Variants in ST8SIA4 observed in about 807,000 individuals in gnomAD.
ST8SIA4 encodes the protein ST8 alpha-N-acetyl-neuraminide alpha-2,8-sialyltransferase 4.
A neutral mutation model predicts 33.9 loss-of-function variants in ST8SIA4; 15 were observed. The ratio of observed to expected loss-of-function variants is 0.44; its 90% CI spans 0.30 to 0.68. The LOEUF (loss-of-function observed/expected upper bound fraction) is 0.68. Ranked by LOEUF, ST8SIA4 falls within the 30% of genes least tolerant of loss-of-function variation. The pLI is 0.10. For synonymous variants in ST8SIA4, 171 were observed against 151.2 expected (o/e 1.13, Z -0.96); for missense variants, 321 against 428.0 (o/e 0.75, Z 2.21).
At chr5:100,813,218 GA>G (rs1750849178) in intron 4 of ST8SIA4, among the ~76,000 whole-genome samples, 1 of 151,808 alleles carries the variant, frequency 6.6e-6, no homozygotes, top group Non-Finnish European at 1.5e-5. Context: ...TACTGAGTAT[GA>G]AAAAAACTTA....
rs1750792887 is a variant in ST8SIA4 at position 100,810,508 on chromosome 5, T to C, written c.*1339A>G. 6 of 152,200 alleles carry C rather than the reference T, an allele frequency of 3.9e-5. No homozygotes were observed. Among genetic ancestry groups the C allele is most frequent in the Admixed American group, 3.9e-4 (6 of 15,276 alleles). 9.4% of individuals were successfully genotyped at this position (152,200 alleles called of 1,614,324 possible). ...ATTTCAGCTATATCAATCTAATATT[T>C]ATTCTAAAGGGCAAAATGCTTCCAC... On this transcript the variant is annotated 3_prime_UTR_variant, in exon 5 of 5. Transcript: ENST00000231461.
intron 4 of ST8SIA4, among the ~76,000 whole-genome samples, chr5:100,833,008 A>G (rs766076466): frequency 6.6e-5 from 10 of 152,200 alleles, no homozygotes; most frequent in Admixed American, 2.6e-4. Flanking sequence ...CATTCATTCT[A>G]TCTTTAGTCA....
At position 100,903,266 on chromosome 5, in the gene ST8SIA4, C is replaced by A; in HGVS notation, c.-311G>T. On this transcript the variant is annotated 5_prime_UTR_variant, in exon 1 of 5. Transcript: ENST00000231461. ...TTGGAGGTGGCGGCAGCTTCTGCAG[C>A]TGGGTTCGGGGGCGTCACTGGCCCT... 5.6e-6 allele frequency: 2 copies of A among 358,652 alleles called. No homozygotes were observed. The highest frequency in any genetic ancestry group is 3.0e-5 in the South Asian group (1 of 33,276). The allele number at this position is 358,652 out of a possible 1,614,324, so 22.2% of individuals were successfully genotyped here. A position where few individuals can be genotyped will look rare whatever the true frequency, so the allele number is the denominator to read the frequency against.
At chr5:100,871,111 T>G (rs1055627671) in intron 3 of ST8SIA4, among the ~76,000 whole-genome samples, 1 of 151,988 alleles carries the variant, frequency 6.6e-6, no homozygotes, top group African/African-American at 2.4e-5. Flanking sequence ...TCTGTGAGAG[T>G]AGAAGGATAA....
At chr5:100,878,519 G>A (rs1001871427) in intron 3 of ST8SIA4, among the ~76,000 whole-genome samples, 7 of 151,976 alleles carry the variant, frequency 4.6e-5, no homozygotes, top group African/African-American at 1.4e-4. Context: ...TCATTTTTTT[G>A]TTTGTAATGA....
At chr5:100,889,532 A>G (rs1395916250) in intron 2 of ST8SIA4, among the ~76,000 whole-genome samples, 1 of 151,962 alleles carries the variant, frequency 6.6e-6, no homozygotes, top group African/African-American at 2.4e-5. Flanking sequence ...AAAAAAGTTA[A>G]CACATGCTAG....
rs559558385 is a variant in ST8SIA4, at chr5:100,856,607, A to C, written c.504-211T>G. ...CAATAAAAATATACAGTCCCAGTAC[A>C]GGGCTCAAAATGCCTCTTGTATGAA... On this transcript the variant is annotated intron_variant, in intron 3 of 4. Transcript: ENST00000231461. Among the ~76,000 whole-genome samples the C allele has an allele frequency of 2.6e-5, 4 of 152,332 alleles. No individual in the cohort carries two copies. The South Asian group carries it at 8.3e-4, about 32-fold the overall frequency.
intron 4 of ST8SIA4, among the ~76,000 whole-genome samples, chr5:100,829,992 A>G (rs1751219038): frequency 6.6e-6 from 1 of 152,190 alleles, no homozygotes; most frequent in East Asian, 1.9e-4. Context: ...CCAAAGCATA[A>G]TTAAACAACA....
intron 3 of ST8SIA4, among the ~76,000 whole-genome samples, chr5:100,857,349 C>G (rs1751838441): frequency 1.3e-5 from 2 of 151,480 alleles, no homozygotes; most frequent in Admixed American, 1.3e-4. Flanking sequence ...GTCACATAGA[C>G]CTTTTTATAC....
chr5:100,846,046 T>C (rs1167112514), intron 4 of ST8SIA4, among the ~76,000 whole-genome samples: 2 of 152,024 alleles, frequency 1.3e-5, no homozygotes, highest in Admixed American at 1.3e-4. Flanking sequence ...ATTAATTTCA[T>C]AATTTAGTAG....
intron 3 of ST8SIA4, among the ~76,000 whole-genome samples, chr5:100,874,197 A>C (rs961489831): frequency 6.6e-6 from 1 of 152,132 alleles, no homozygotes; most frequent in African/African-American, 2.4e-5. Context: ...CAATTCTTGA[A>C]ATTTTACAAC....
chr5:100,817,521 G>A (rs1009528808), intron 4 of ST8SIA4, among the ~76,000 whole-genome samples: 1 of 152,104 alleles, frequency 6.6e-6, no homozygotes, highest in Non-Finnish European at 1.5e-5. Flanking sequence ...GTCATCCGTG[G>A]ACATATTGAA....
At chr5:100,870,927 G>A (rs1169475561) in intron 3 of ST8SIA4, among the ~76,000 whole-genome samples, 4 of 152,028 alleles carry the variant, frequency 2.6e-5, no homozygotes, top group African/African-American at 9.7e-5. Flanking sequence ...CAAAATTACT[G>A]GAGAAAATGT....
At chr5:100,899,122 G>A (rs958211158) in intron 1 of ST8SIA4, among the ~76,000 whole-genome samples, 2 of 152,132 alleles carry the variant, frequency 1.3e-5, no homozygotes, top group African/African-American at 4.8e-5. Context: ...CAAAAGCCCC[G>A]TATTCCACCC....
intron 4 of ST8SIA4, among the ~76,000 whole-genome samples, chr5:100,824,977 C>A (rs1751111651): frequency 6.6e-6 from 1 of 151,718 alleles, no homozygotes; most frequent in African/African-American, 2.4e-5. Flanking sequence ...GGGAGGATAA[C>A]TTGAGCCCAG....
chr5:100,840,608 G>A (rs1211984480), intron 4 of ST8SIA4, among the ~76,000 whole-genome samples: 1 of 151,698 alleles, frequency 6.6e-6, no homozygotes, highest in African/African-American at 2.4e-5. Flanking sequence ...CACAGTGCTT[G>A]AATAAGGCAA....
intron 2 of ST8SIA4, chr5:100,891,023 T>C (rs1039259829): frequency 1.3e-5 from 2 of 151,904 alleles, no homozygotes; most frequent in African/African-American, 4.8e-5. Flanking sequence ...TTACTAAACA[T>C]TGTTTAGTAA....
chr5:100,877,840 A>G (rs895122367), intron 3 of ST8SIA4, among the ~76,000 whole-genome samples: 2 of 152,214 alleles, frequency 1.3e-5, no homozygotes, highest in African/African-American at 2.4e-5. Flanking sequence ...CCACCTATCA[A>G]TTACAAATTG....
chr5:100,844,981 T>C (rs1751538619), intron 4 of ST8SIA4, among the ~76,000 whole-genome samples: 1 of 152,118 alleles, frequency 6.6e-6, no homozygotes, highest in Non-Finnish European at 1.5e-5. Flanking sequence ...ATCAGTATCT[T>C]GTTTCCTACA....
Sources: allele counts gnomAD v4.1 joint callset (sites outside exome capture counted in the v4.1 genomes callset), GRCh38; gene constraint gnomAD v4.1.1; transcripts MANE v1.5; gene names NCBI Gene and HGNC (gene_info 2026-07-23, HGNC 2026-07-21).